The following USP22 variants were observed in gnomAD, a reference collection of about 807,000 sequenced individuals.
The protein encoded by USP22 is ubiquitin carboxyl-terminal hydrolase 22.
Under a neutral mutation model 68.1 loss-of-function variants are expected in USP22, and 22 were observed. The observed-to-expected ratio is 0.32, with a 90% CI of 0.23 to 0.46. The LOEUF is 0.46. Among genes scored for constraint, USP22 ranks in the 20% least tolerant of loss-of-function variants. The pLI is 1.00. For missense variants in USP22, 433 were observed against 695.8 expected (o/e 0.62, Z 4.25); for synonymous variants, 279 against 274.2 (o/e 1.02, Z -0.17).
intron 4 of USP22, 55 bp from the exon 5 acceptor site, chr17:21,018,166 C>T (rs1421549191): frequency 6.0e-6 from 9 of 1,492,578 alleles, no homozygotes; most frequent in African/African-American, 1.4e-5. Context: ...CCACAGGTGT[C>T]GCTGGATCCC....
At chr17:21,003,485 C>T (rs1410819617) in intron 12 of USP22, among the ~76,000 whole-genome samples, 1 of 152,218 alleles carries the variant, frequency 6.6e-6, no homozygotes, top group East Asian at 1.9e-4. Context: ...CCGTGTTGCT[C>T]AGAATGTGAA....
intron 11 of USP22, 98 bp from the exon 12 acceptor site, chr17:21,004,449 G>A: frequency 6.7e-7 from 1 of 1,484,452 alleles, no homozygotes; most frequent in Non-Finnish European, 9.2e-7. Flanking sequence ...CAGGGAGCGG[G>A]AGGCCTGTGG....
At chr17:21,015,567 G>A (rs1567793066) in intron 6 of USP22, 185 bp downstream of exon 6, 2 of 779,694 alleles carry the variant, frequency 2.6e-6, no homozygotes, top group South Asian at 4.8e-5. Flanking sequence ...TAAACTAGGA[G>A]GAGCCTCTCT....
At position 21,004,356 on chromosome 17, in the gene USP22, T is replaced by G. The variant is rs111302797; in HGVS notation, c.1386-5A>C. ...ACAACAGCAAACAGGGAATACCTAG[T>G]GCAGGAGCAAAGGAGAGGGAGGGCG... On this transcript the variant is annotated splice_polypyrimidine_tract_variant and splice_region_variant and intron_variant, in intron 11 of 12. Transcript: ENST00000261497. 1.8e-5 allele frequency: 29 copies of G among 1,613,752 alleles called. No homozygotes were observed. The highest frequency in any genetic ancestry group is 2.5e-5 in the Non-Finnish European group (29 of 1,179,798).
intron 2 of USP22, among the ~76,000 whole-genome samples, chr17:21,023,765 T>G (rs1014796765): frequency 6.6e-6 from 1 of 151,788 alleles, no homozygotes; most frequent in Non-Finnish European, 1.5e-5. Context: ...GCACCAGCCC[T>G]CACTATGCCA....
At chr17:21,018,975 T>C in intron 4 of USP22, 109 bp downstream of exon 4, 3 of 1,131,288 alleles carry the variant, frequency 2.7e-6, no homozygotes, top group Non-Finnish European at 3.9e-6. Context: ...GAGTGACAGT[T>C]ATGCAGGGCT....
rs551272363 is a variant in USP22 at position 21,040,431 on chromosome 17, C to A, written c.171+2234G>T. On this transcript the variant is annotated intron_variant, in intron 1 of 12. Coordinates refer to ENST00000261497, the MANE Select transcript of USP22 (RefSeq NM_015276.2). ...AGGGCTTAAGGGCTCCTTGCTGGCA[C>A]ACTGCCAACTGGCACTGCAGCAGCC... is the stretch of plus-strand genomic sequence containing the variant. Among the ~76,000 whole-genome samples the A allele has an allele frequency of 8.5e-5, 13 of 152,326 alleles. No homozygotes were observed. The South Asian group carries it at 2.1e-3, about 24-fold the overall frequency.
chr17:21,010,930 C>CT (rs1385749536), intron 8 of USP22, among the ~76,000 whole-genome samples: 1 of 152,184 alleles, frequency 6.6e-6, no homozygotes, highest in Admixed American at 6.5e-5. Flanking sequence ...GCTGCTGACA[C>CT]TGACACCTGG....
At chr17:21,042,411 A>ACAGAGAGGAGGGGGGGGGG (rs1972448925) in intron 1 of USP22, 1 of 182,392 alleles carries the variant, frequency 5.5e-6, no homozygotes, top group African/African-American at 5.7e-5. Flanking sequence ...AGGGGGAGGG[A>ACAGAGAGGAGGGGGGGGGG]AAGGAAGAAT....
At chr17:21,009,647 A>T (rs1032775541) in intron 8 of USP22, among the ~76,000 whole-genome samples, 5 of 152,040 alleles carry the variant, frequency 3.3e-5, no homozygotes, top group Admixed American at 6.6e-5. Context: ...TTAGCTGCAA[A>T]GACTTTCTTT....
At chr17:21,003,298 C>T (rs992977189) in intron 12 of USP22, among the ~76,000 whole-genome samples, 4 of 152,184 alleles carry the variant, frequency 2.6e-5, no homozygotes, top group African/African-American at 7.2e-5. Context: ...CCACCTGCCA[C>T]GAGGTCACCC....
At chr17:21,016,097 A>G (rs1258054028) in intron 5 of USP22, among the ~76,000 whole-genome samples, 198 bp from the exon 6 acceptor site, 1 of 152,050 alleles carries the variant, frequency 6.6e-6, no homozygotes, top group Non-Finnish European at 1.5e-5. Flanking sequence ...CCTCATATGA[A>G]TTTTTTCCTT....
In USP22 at chr17:21,042,434, G is replaced by A. The variant is rs1340854643; in HGVS notation, c.171+231C>T. Among the ~76,000 whole-genome samples the A allele has an allele frequency of 2.1e-5, 3 of 143,162 alleles. No individual in the cohort carries two copies. The South Asian group carries it at 6.9e-4, about 33-fold the overall frequency. The allele number at this position is 143,162 out of a possible 152,430, so 93.9% of individuals were successfully genotyped here. A position where few individuals can be genotyped will look rare whatever the true frequency, so the allele number is the denominator to read the frequency against. The stretch of plus-strand genomic sequence containing the variant: ...GGAAAGGAAGAATGGGGGAAGGGGG[G>A]AGAGGGGAAGGATAGGAAGATGAGG... On this transcript the variant is annotated intron_variant, in intron 1 of 12. Coordinates refer to ENST00000261497, the MANE Select transcript of USP22 (RefSeq NM_015276.2).
At chr17:21,006,362 G>A (rs1205180467) in intron 10 of USP22, 3 of 149,530 alleles carry the variant, frequency 2.0e-5, no homozygotes, top group Admixed American at 6.7e-5. Context: ...GGACTTTGCC[G>A]GTTTGAAAGT....
chr17:21,016,893 T>A (rs1352010399), intron 5 of USP22, among the ~76,000 whole-genome samples: 1 of 152,090 alleles, frequency 6.6e-6, no homozygotes, highest in African/African-American at 2.4e-5. Flanking sequence ...GGCTAGAAGG[T>A]GGGTGTGACT....
At chr17:21,027,377 T>A (rs1972235787) in intron 2 of USP22, among the ~76,000 whole-genome samples, 1 of 151,050 alleles carries the variant, frequency 6.6e-6, no homozygotes, top group Admixed American at 6.6e-5. Context: ...CTACGAGTAC[T>A]CCTTGTAGAG....
Position 21,004,245 on chromosome 17 carries a change from T to C in USP22, c.1492A>G (p.Ile498Val). 4 of 1,614,212 alleles carry C rather than the reference T, an allele frequency of 2.5e-6. No homozygotes were observed. Among genetic ancestry groups the C allele is most frequent in the Non-Finnish European group, 3.4e-6 (4 of 1,180,032 alleles). Reference protein sequence around the residue: ...KDQWFKCDDAIITKASIKDVL... With the variant: ...KDQWFKCDDAVITKASIKDVL... ...TCCTTGATGCTGGCCTTGGTGATGA[T>C]GGCATCGTCACACTTGAACCACTGG... Residue 498 changes from isoleucine to valine, a missense_variant, in exon 12 of 13, where the codon ATC (isoleucine) becomes GTC (valine). Transcript: ENST00000261497.
chr17:21,031,937 A>G (rs1056359692), intron 1 of USP22, among the ~76,000 whole-genome samples: 1 of 152,278 alleles, frequency 6.6e-6, no homozygotes, highest in African/African-American at 2.4e-5. Context: ...CGCTAAATAC[A>G]GAAAACAGCT....
chr17:21,018,167 G>A (rs941803475), intron 4 of USP22, 56 bp from the exon 5 acceptor site: 16 of 1,485,200 alleles, frequency 1.1e-5, no homozygotes, highest in African/African-American at 8.5e-5. Flanking sequence ...CACAGGTGTC[G>A]CTGGATCCCA....
Sources: gnomAD v4.1 joint callset for allele counts (sites outside exome capture counted in the v4.1 genomes callset) on GRCh38, gnomAD v4.1.1 for gene constraint, MANE v1.5 for transcripts, NCBI Gene and HGNC (gene_info 2026-07-23, HGNC 2026-07-21) for gene names.